The following GALNT13 variants were observed in gnomAD, a reference collection of about 807,000 sequenced individuals.
The protein encoded by GALNT13 is UDP-GalNAc:polypeptide N-acetylgalactosaminyltransferase 13.
A neutral mutation model predicts 64.2 loss-of-function variants in GALNT13; 28 were observed. That is an observed-to-expected ratio of 0.44 (90% CI 0.32 to 0.60). The LOEUF (loss-of-function observed/expected upper bound fraction) is 0.60. GALNT13 is among the 20% of genes least tolerant of loss of function. The probability of loss-of-function intolerance (pLI) is 0.05; values close to 1 mark genes in which losing one functional copy is unlikely to be tolerated. For synonymous variants in GALNT13, 214 were observed against 224.6 expected (o/e 0.95, Z 0.42); for missense variants, 577 against 669.8 (o/e 0.86, Z 1.53).
intron 8 of GALNT13, chr2:154,286,780 C>A: frequency 3.1e-6 from 1 of 322,514 alleles, no homozygotes; most frequent in Non-Finnish European, 6.2e-6. Flanking sequence ...GGTACAGAAA[C>A]CAATTTTCTT....
chr2:153,978,588 C>A (rs1694234673), intron 3 of GALNT13, among the ~76,000 whole-genome samples: 1 of 152,048 alleles, frequency 6.6e-6, no homozygotes, highest in Non-Finnish European at 1.5e-5. Flanking sequence ...GGGGTTTCTG[C>A]TTTTGCTTCT....
the GALNT13 span, among the ~76,000 whole-genome samples, chr2:153,817,680 A>G: frequency 3.3e-5 from 5 of 152,188 alleles, no homozygotes; most frequent in Non-Finnish European, 5.9e-5. Context: ...CTTATTACCA[A>G]TGTCCTGAGT....
At chr2:153,265,363 C>T in the GALNT13 span, among the ~76,000 whole-genome samples, 1 of 152,156 alleles carries the variant, frequency 6.6e-6, no homozygotes, top group East Asian at 1.9e-4. Context: ...CTGGAATGGA[C>T]AATTTGCCTC....
At chr2:153,981,763 A>T (rs1694482212) in intron 3 of GALNT13, among the ~76,000 whole-genome samples, 1 of 152,096 alleles carries the variant, frequency 6.6e-6, no homozygotes, top group African/African-American at 2.4e-5. Context: ...CAATTCATTG[A>T]GCCAGGTTAT....
At chr2:153,436,732 C>G in the GALNT13 span, among the ~76,000 whole-genome samples, 2 of 152,036 alleles carry the variant, frequency 1.3e-5, no homozygotes, top group Non-Finnish European at 2.9e-5. Context: ...CTTTATTAGT[C>G]TTGCTAACAG....
the GALNT13 span, among the ~76,000 whole-genome samples, chr2:153,587,149 G>A: frequency 1.7e-4 from 26 of 149,804 alleles, no homozygotes; most frequent in South Asian, 4.2e-3. Flanking sequence ...CACAAGAGTC[G>A]CATGAGCCTG....
chr2:153,258,369 AAAAAC>A, the GALNT13 span, among the ~76,000 whole-genome samples: 48 of 147,152 alleles, frequency 3.3e-4, no homozygotes, highest in Admixed American at 5.5e-4. Flanking sequence ...CTGGTCTCCC[AAAAAC>A]AAAACAAAAC....
chr2:153,679,674 C>A, the GALNT13 span, among the ~76,000 whole-genome samples: 1 of 151,864 alleles, frequency 6.6e-6, no homozygotes, highest in Non-Finnish European at 1.5e-5. Context: ...CACAAATCTT[C>A]CACCAATCTT....
chr2:153,265,344 G>A, the GALNT13 span, among the ~76,000 whole-genome samples: 2 of 152,148 alleles, frequency 1.3e-5, no homozygotes, highest in Non-Finnish European at 2.9e-5. Context: ...AGGAACTCAG[G>A]TCTGATGGCT....
the GALNT13 span, among the ~76,000 whole-genome samples, chr2:153,376,924 C>A: frequency 6.6e-6 from 1 of 152,096 alleles, no homozygotes; most frequent in African/African-American, 2.4e-5. Flanking sequence ...GTACTTGATA[C>A]ATTTTGTATC....
the GALNT13 span, among the ~76,000 whole-genome samples, chr2:153,307,987 A>T: frequency 5.9e-5 from 9 of 152,186 alleles, no homozygotes; most frequent in East Asian, 1.5e-3. Context: ...AAGAAAAAAC[A>T]CTAGATATAT....
chr2:153,585,791 GA>G, the GALNT13 span, among the ~76,000 whole-genome samples: 9 of 148,834 alleles, frequency 6.0e-5, no homozygotes, highest in Admixed American at 4.0e-4. Flanking sequence ...AGTACTGACA[GA>G]AAAAAAAACA....
At chr2:154,071,711 G>A (rs1700749384) in intron 3 of GALNT13, among the ~76,000 whole-genome samples, 1 of 152,046 alleles carries the variant, frequency 6.6e-6, no homozygotes, top group South Asian at 2.1e-4. Context: ...CCAGTCATGT[G>A]AGAAGAAGGC....
At chr2:154,186,374 G>A (rs549609192) in intron 4 of GALNT13, among the ~76,000 whole-genome samples, 2 of 152,066 alleles carry the variant, frequency 1.3e-5, no homozygotes, top group African/African-American at 4.8e-5. Flanking sequence ...TTATATTTAC[G>A]TATGTAGCAG....
chr2:153,812,037 C>A, the GALNT13 span, among the ~76,000 whole-genome samples: 2 of 152,196 alleles, frequency 1.3e-5, no homozygotes, highest in Non-Finnish European at 2.9e-5. Flanking sequence ...ATATAGAACA[C>A]TTCCAGCATG....
chr2:153,380,668 T>C, the GALNT13 span, among the ~76,000 whole-genome samples: 10 of 152,084 alleles, frequency 6.6e-5, no homozygotes, highest in Non-Finnish European at 1.3e-4. Flanking sequence ...TGTAAAAGTA[T>C]ATTATGACCA....
At chr2:154,340,423 A>G (rs116631914) in intron 9 of GALNT13, among the ~76,000 whole-genome samples, 2,643 of 152,120 alleles carry the variant, frequency 0.017, 75 homozygotes, top group African/African-American at 0.06. Flanking sequence ...ATATTCTCCA[A>G]ATGCAATGCA....
chr2:154,099,716 T>C (rs964837314), intron 3 of GALNT13, among the ~76,000 whole-genome samples: 1 of 152,028 alleles, frequency 6.6e-6, no homozygotes, highest in African/African-American at 2.4e-5. Context: ...AGCAAGAGGA[T>C]TGCTTGAGCC....
chr2:153,492,662 G>A, the GALNT13 span, among the ~76,000 whole-genome samples: 17 of 152,254 alleles, frequency 1.1e-4, no homozygotes, highest in Non-Finnish European at 2.5e-4. Flanking sequence ...GATAGGAACA[G>A]AGCTAGAAAA....
Sources: gnomAD v4.1 joint callset for allele counts (sites outside exome capture counted in the v4.1 genomes callset) on GRCh38, gnomAD v4.1.1 for gene constraint, MANE v1.5 for transcripts, NCBI Gene and HGNC (gene_info 2026-07-23, HGNC 2026-07-21) for gene names.